The following ARHGAP5 variants were observed in gnomAD, a reference collection of about 807,000 sequenced individuals.
ARHGAP5 encodes the protein rho GTPase-activating protein 5.
A neutral mutation model predicts 116.6 loss-of-function variants in ARHGAP5; 23 were observed. The observed-to-expected ratio is 0.20, with a 90% CI of 0.14 to 0.28. The LOEUF (loss-of-function observed/expected upper bound fraction) is 0.28, where lower values mean the gene tolerates loss of function less well. Among genes scored for constraint, ARHGAP5 ranks in the 10% least tolerant of loss-of-function variants. ARHGAP5 has a pLI of 1.00. For missense variants in ARHGAP5, 1,405 were observed against 1,774.8 expected, an observed-to-expected ratio of 0.79 and a Z score of 3.74; for synonymous variants, 574 against 602.0, an observed-to-expected ratio of 0.95 and a Z score of 0.68.
In ARHGAP5 at chr14:32,157,778, A is replaced by G. The variant is rs1303275457; in HGVS notation, c.*2830A>G. Reference sequence around the variant, plus strand: ...TAGCCAAAAAGCAGCTTTTTTTCCCATACTGTATGTAAATAATGTAGACCT... The same window carrying G: ...TAGCCAAAAAGCAGCTTTTTTTCCCGTACTGTATGTAAATAATGTAGACCT... On this transcript the variant is annotated 3_prime_UTR_variant, in exon 7 of 7. Coordinates refer to ENST00000345122, the MANE Select transcript of ARHGAP5 (RefSeq NM_001030055.2). The G allele has an allele frequency of 6.6e-6, 1 of 150,896 alleles. No individual in the cohort carries two copies. Among genetic ancestry groups the G allele is most frequent in the Non-Finnish European group, 1.5e-5 (1 of 67,510 alleles). 9.3% of individuals were successfully genotyped at this position (150,896 alleles called of 1,614,324 possible). A position where few individuals can be genotyped will look rare whatever the true frequency, so the allele number is the denominator to read the frequency against.
At chr14:32,121,083 C>T (rs1025110309) in intron 3 of ARHGAP5, among the ~76,000 whole-genome samples, 4 of 127,176 alleles carry the variant, frequency 3.1e-5, no homozygotes, top group African/African-American at 5.9e-5. Context: ...AGAGGTGTAA[C>T]TTCAGCTAGT....
In ARHGAP5 at chr14:32,090,656, A is replaced by G; in HGVS notation, c.-14A>G. On this transcript the variant is annotated 5_prime_UTR_variant, in exon 2 of 7. The change abolishes an upstream ATG in the 5' untranslated region. Transcript: ENST00000345122. ...TGGTTACCTTTATGAATGTAGAGAC[A>G]TGAGAAGAGAGTTATGATGGCAAAA... 1.3e-6 allele frequency: 2 copies of G among 1,570,422 alleles called. No individual in the cohort carries two copies. The highest frequency in any genetic ancestry group is 1.7e-6 in the Non-Finnish European group (2 of 1,160,716).
chr14:32,094,479 A>G (rs1401827481), intron 2 of ARHGAP5, 93 bp downstream of exon 2: 1 of 909,742 alleles, frequency 1.1e-6, no homozygotes, highest in East Asian at 2.6e-5. Flanking sequence ...AGTCTCATTC[A>G]TTCCATACAT....
intron 2 of ARHGAP5, among the ~76,000 whole-genome samples, chr14:32,100,390 G>A (rs1878737876): frequency 1.3e-5 from 2 of 151,868 alleles, no homozygotes; most frequent in African/African-American, 4.8e-5. Context: ...TAGAGATGGG[G>A]GTCTCACTAT....
chr14:32,099,997 G>A (rs1335720366), intron 2 of ARHGAP5, among the ~76,000 whole-genome samples: 2 of 152,018 alleles, frequency 1.3e-5, no homozygotes, highest in Non-Finnish European at 2.9e-5. Context: ...ATTGTAACTG[G>A]CAATGAGAAT....
chr14:32,092,853 T>C lies in ARHGAP5; in HGVS notation c.2184T>C (p.Pro728=). ...AGTTGGCAAACAAGTTGCAATGTCC[T>C]TTTGTAGATGTACCTGCTGGTACAT... ...GQQLANKLQC[P]FVDVPAGTYP... is the part of the protein sequence containing the mutation. The change falls in exon 2 of 7, where the codon CCT becomes CCC. Residue 728 remains proline, a synonymous_variant. Coordinates refer to ENST00000345122, the MANE Select transcript of ARHGAP5 (RefSeq NM_001030055.2). The surrounding 1 kb of genome is among the most constrained non-coding windows in gnomAD (Gnocchi z 4.1). 1.9e-6 allele frequency: 3 copies of C among 1,614,086 alleles called. No homozygotes were observed. The highest frequency in any genetic ancestry group is 2.5e-6 in the Non-Finnish European group (3 of 1,179,946).
At chr14:32,125,773 A>G (rs889396775) in intron 3 of ARHGAP5, among the ~76,000 whole-genome samples, 1 of 152,200 alleles carries the variant, frequency 6.6e-6, no homozygotes, top group African/African-American at 2.4e-5. Context: ...TGAATGTTTG[A>G]TGTCTTTTTT....
rs576740300 is a variant in ARHGAP5, at chr14:32,106,346, C to G, written c.3718-10794C>G. On this transcript the variant is annotated intron_variant, in intron 2 of 6. Coordinates refer to ENST00000345122, the MANE Select transcript of ARHGAP5 (RefSeq NM_001030055.2). ...ATCTTGGCCAGGCTGGTCTTGAACT[C>G]CTGACCTCGTGATCCACCCGCCTCA... 1.5e-3 allele frequency among the ~76,000 whole-genome samples: 225 copies of G among 152,212 alleles called. 1 individual carries two copies. The highest frequency in any genetic ancestry group is 2.7e-3 in the Admixed American group (41 of 15,290).
At chr14:32,103,079 C>T (rs1263910393) in intron 2 of ARHGAP5, among the ~76,000 whole-genome samples, 3 of 152,116 alleles carry the variant, frequency 2.0e-5, no homozygotes, top group Non-Finnish European at 4.4e-5. Flanking sequence ...TTGCTTTCTT[C>T]CTGGGTAACT....
At chr14:32,098,499 G>A (rs956744333) in intron 2 of ARHGAP5, among the ~76,000 whole-genome samples, 11 of 152,182 alleles carry the variant, frequency 7.2e-5, no homozygotes, top group Admixed American at 5.2e-4. Context: ...TGAATACATA[G>A]GATGTACATG....
chr14:32,130,074 C>CATATATATGTAATAAA (rs1273047879), intron 3 of ARHGAP5, among the ~76,000 whole-genome samples: 6 of 151,492 alleles, frequency 4.0e-5, no homozygotes, highest in East Asian at 1.9e-4. Flanking sequence ...GAAGTAAATA[C>CATATATATGTAATAAA]ATATATATGT....
rs745506082 is a variant in ARHGAP5, at chr14:32,154,961, T to A, written c.*13T>A. The A allele has an allele frequency of 1.2e-5, 19 of 1,601,844 alleles. 1 individual carries two copies. In the South Asian group the frequency reaches 2.0e-4, roughly 17 times the overall value. ...TGGTATTATATGAGTAGGAAGTGAT[T>A]GCAAACAGGCTGGATTTGGACAAAA... On this transcript the variant is annotated 3_prime_UTR_variant, in exon 7 of 7. Coordinates refer to ENST00000345122, the MANE Select transcript of ARHGAP5 (RefSeq NM_001030055.2).
At chr14:32,135,517 G>A (rs1276712098) in intron 3 of ARHGAP5, among the ~76,000 whole-genome samples, 1 of 152,236 alleles carries the variant, frequency 6.6e-6, no homozygotes, top group Non-Finnish European at 1.5e-5. Context: ...CTACCTCCCA[G>A]GTTCAAGCAG....
intron 3 of ARHGAP5, among the ~76,000 whole-genome samples, chr14:32,124,696 A>G (rs532959776): frequency 7.2e-5 from 11 of 152,178 alleles, no homozygotes; most frequent in Non-Finnish European, 1.3e-4. Flanking sequence ...ATGTTTGGAC[A>G]TGTTAAATCT....
intron 3 of ARHGAP5, among the ~76,000 whole-genome samples, chr14:32,129,548 A>G (rs1489624605): frequency 6.6e-6 from 1 of 152,206 alleles, no homozygotes; most frequent in Non-Finnish European, 1.5e-5. Flanking sequence ...TGGGATGAAA[A>G]TGGATGAATG....
At chr14:32,118,857 G>C (rs190220574) in intron 3 of ARHGAP5, among the ~76,000 whole-genome samples, 1 of 152,054 alleles carries the variant, frequency 6.6e-6, no homozygotes. Context: ...TTATAGATTA[G>C]TGTTTTGTAC....
In ARHGAP5 at chr14:32,081,245, A is replaced by G. The variant is rs2041769282; in HGVS notation, c.-169+3810A>G. Reference sequence around the variant, plus strand: ...AGCTAAAGGAAGTGTTACTTGGATTACATACTGATTTAAAAGTTAGTAGAA... The same window carrying G: ...AGCTAAAGGAAGTGTTACTTGGATTGCATACTGATTTAAAAGTTAGTAGAA... On this transcript the variant is annotated intron_variant, in intron 1 of 6. Transcript: ENST00000345122. Among the ~76,000 whole-genome samples, 3 of 152,212 alleles carry G rather than the reference A, an allele frequency of 2.0e-5. No homozygotes were observed. The South Asian group carries it at 6.2e-4, about 32-fold the overall frequency.
At position 32,146,350 on chromosome 14, in the gene ARHGAP5, T is replaced by C; in HGVS notation, c.3943+10T>C. 6.3e-7 allele frequency: 1 copy of C among 1,582,296 alleles called. No homozygotes were observed. On this transcript the variant is annotated intron_variant, in intron 4 of 6. Transcript: ENST00000345122. ...AAGCAGTTTGATCAAGGTAAGAAGA[T>C]GATTATGTGAAATAAAAATTGTTGT...
At chr14:32,118,867 CATTT>C (rs1421861861) in intron 3 of ARHGAP5, among the ~76,000 whole-genome samples, 1 of 152,050 alleles carries the variant, frequency 6.6e-6, no homozygotes, top group Non-Finnish European at 1.5e-5. Context: ...GTGTTTTGTA[CATTT>C]ATTATTTAAA....
Sources: allele counts gnomAD v4.1 joint callset (sites outside exome capture counted in the v4.1 genomes callset), GRCh38; gene constraint gnomAD v4.1.1; non-coding constraint Gnocchi (gnomAD v3.1); transcripts MANE v1.5; gene names NCBI Gene and HGNC (gene_info 2026-07-23, HGNC 2026-07-21).